PREPL: variants seen among roughly 807,000 people sequenced by gnomAD.
PREPL encodes prolyl endopeptidase-like.
PREPL carries 77 observed loss-of-function variants against 70.6 expected under a neutral mutation model. The ratio of observed to expected loss-of-function variants is 1.09; its 90% CI spans 0.91 to 1.32. The LOEUF is 1.32. PREPL is among the 40% of genes most tolerant of loss of function. The pLI is 0.00. For synonymous variants in PREPL, 315 were observed against 264.8 expected (o/e 1.19, Z -1.84); for missense variants, 1,002 against 778.2 (o/e 1.29, Z -3.42).
At chr2:44,351,215 G>A (rs900521046) in intron 1 of PREPL, among the ~76,000 whole-genome samples, 11 of 151,776 alleles carry the variant, frequency 7.2e-5, no homozygotes, top group Admixed American at 2.6e-4. Flanking sequence ...GATTACAGGC[G>A]TGAGCCACTG....
At chr2:44,331,665 G>C (rs1408626655) in intron 8 of PREPL, among the ~76,000 whole-genome samples, 1 of 152,084 alleles carries the variant, frequency 6.6e-6, no homozygotes, top group East Asian at 1.9e-4. Flanking sequence ...CTCTAGACTA[G>C]GTAAAATCCC....
intron 10 of PREPL, among the ~76,000 whole-genome samples, chr2:44,324,053 A>G (rs935436350): frequency 2.0e-5 from 3 of 152,264 alleles, no homozygotes; most frequent in Non-Finnish European, 2.9e-5. Context: ...CGAATAAGCA[A>G]AATGTGGTAT....
chr2:44,330,041 G>A (rs777033624), intron 8 of PREPL, among the ~76,000 whole-genome samples: 4 of 152,132 alleles, frequency 2.6e-5, no homozygotes, highest in Non-Finnish European at 4.4e-5. Flanking sequence ...CAAATAAGGA[G>A]GAAATTCTCC....
rs369348867 is a variant in PREPL, at chr2:44,321,811, G to A, written c.1827+16C>T. The A allele has an allele frequency of 1.5e-5, 25 of 1,613,588 alleles. No homozygotes were observed. Among genetic ancestry groups the A allele is most frequent in the Non-Finnish European group, 2.0e-5 (24 of 1,179,786 alleles). ...AGTTCGGGAATCTGTCCACTGAGAG[G>A]GCCTTGATAACATACCTTTTTGTGA... On this transcript the variant is annotated intron_variant, in intron 13 of 13. Coordinates refer to ENST00000409411, the MANE Select transcript of PREPL (RefSeq NM_001171613.2).
chr2:44,328,103 T>A (rs1025179726), intron 9 of PREPL, among the ~76,000 whole-genome samples: 1 of 151,560 alleles, frequency 6.6e-6, no homozygotes, highest in African/African-American at 2.4e-5. Flanking sequence ...CTGGCCAACA[T>A]GGTGAAACCC....
chr2:44,324,559 A>G (rs781077184), intron 10 of PREPL, among the ~76,000 whole-genome samples: 15 of 152,342 alleles, frequency 9.8e-5, no homozygotes, highest in Middle Eastern at 3.4e-3. Flanking sequence ...CCATTGGCTT[A>G]TAATTAGTGT....
chr2:44,355,254 A>G (rs1408630849), intron 1 of PREPL, among the ~76,000 whole-genome samples: 2 of 152,214 alleles, frequency 1.3e-5, no homozygotes, highest in African/African-American at 4.8e-5. Flanking sequence ...GTCTCAAATA[A>G]AATGTAATCA....
At chr2:44,332,380 A>T (rs922362196) in intron 8 of PREPL, 79 bp downstream of exon 8, 1 of 1,268,046 alleles carries the variant, frequency 7.9e-7, no homozygotes, top group Admixed American at 1.9e-5. Context: ...TGCTAATGTA[A>T]CTCCAACAAC....
In PREPL at chr2:44,321,440, T is replaced by G. The variant is rs764107553; in HGVS notation, c.1833A>C (p.Thr611=). 6.2e-7 allele frequency: 1 copy of G among 1,612,258 alleles called. No individual in the cohort carries two copies. The change falls in exon 14 of 14, where the codon ACA becomes ACC. Residue 611 remains threonine, a synonymous_variant. Coordinates refer to ENST00000409411, the MANE Select transcript of PREPL (RefSeq NM_001171613.2). The part of the protein sequence containing the change: ...HVIEDSHKKI[T]AQIKFLYEEL... ...CCTCGTACAGGAATTTAATTTGGGC[T>G]GTAATCTAAAAGAAACACATTAAAA... is the stretch of plus-strand genomic sequence containing the variant.
chr2:44,345,234 TG>T (rs1675668348), intron 2 of PREPL, among the ~76,000 whole-genome samples: 1 of 152,248 alleles, frequency 6.6e-6, no homozygotes, highest in Admixed American at 6.5e-5. Flanking sequence ...ATCTGTTAGT[TG>T]GTGGCGTAAT....
chr2:44,351,963 A>C (rs1676487497), intron 1 of PREPL, among the ~76,000 whole-genome samples: 1 of 152,184 alleles, frequency 6.6e-6, no homozygotes. Flanking sequence ...TACATTGCTG[A>C]CCTAATCTAC....
chr2:44,346,475 T>C (rs1221466723), intron 1 of PREPL, 85 bp from the exon 2 acceptor site: 45 of 1,243,762 alleles, frequency 3.6e-5, no homozygotes, highest in South Asian at 7.9e-5. Flanking sequence ...GTCTATACCG[T>C]AGACTTAACG....
Position 44,321,870 on chromosome 2 carries a change from A to G in PREPL, c.1784T>C (p.Ile595Thr), listed in dbSNP as rs753055312. 17 of 1,613,544 alleles carry G rather than the reference A, an allele frequency of 1.1e-5. No individual in the cohort carries two copies. The highest frequency in any genetic ancestry group is 1.4e-5 in the Non-Finnish European group (17 of 1,179,630). Reference sequence around the variant, plus strand: ...AATTACATGATTGCCTCCAGGCTGAATATCTAGAATAATATTAGGGGTCTG... The same window carrying G: ...AATTACATGATTGCCTCCAGGCTGAGTATCTAGAATAATATTAGGGGTCTG... ...GYQTPNIILD[I>T]QPGGNHVIED... is the part of the protein sequence containing the mutation. The change falls in exon 13 of 14, where the codon ATT becomes ACT. Residue 595 changes from isoleucine to threonine, a missense_variant. By Grantham distance (89) the Ile-to-Thr change is moderately conservative. Coordinates refer to ENST00000409411, the MANE Select transcript of PREPL (RefSeq NM_001171613.2).
chr2:44,344,826 G>C (rs548466147), intron 2 of PREPL, among the ~76,000 whole-genome samples: 9 of 152,178 alleles, frequency 5.9e-5, no homozygotes, highest in Admixed American at 5.9e-4. Context: ...AGGCAATAAA[G>C]AAAAGGTATA....
chr2:44,320,480 T>C lies in PREPL; in HGVS notation c.*876A>G, dbSNP rs1165762189. 1 of 1,614,158 alleles carries C rather than the reference T, an allele frequency of 6.2e-7. No individual in the cohort carries two copies. The highest frequency in any genetic ancestry group is 1.1e-5 in the South Asian group (1 of 91,084). On this transcript the variant is annotated 3_prime_UTR_variant, in exon 14 of 14. Transcript: ENST00000409411. The stretch of plus-strand genomic sequence containing the variant: ...ATTCTGCCGACAAAGGCAGTAAAGT[T>C]GATACAAGTGGCATTTTTCTGGACA...
In PREPL at chr2:44,329,094, T is replaced by C. The variant is rs182854421; in HGVS notation, c.1105A>G (p.Met369Val). 9.4e-6 allele frequency: 15 copies of C among 1,601,190 alleles called. No individual in the cohort carries two copies. Among genetic ancestry groups the C allele is most frequent in the Middle Eastern group, 3.3e-4 (2 of 6,018 alleles). Residue 369 changes from methionine to valine, a missense_variant, in exon 9 of 14, where the codon ATG becomes GTG. By Grantham distance (21) the Met-to-Val change is conservative. Transcript: ENST00000409411. ...AKSKDGKLVP[M>V]TVFHKTDSED... ...GAGTCAGTTTTGTGGAAAACAGTCATTGGCACTAATTTTCCATCCTAGAAA... is the reference window on the plus strand; with the variant it reads ...GAGTCAGTTTTGTGGAAAACAGTCACTGGCACTAATTTTCCATCCTAGAAA...
At position 44,320,183 on chromosome 2, in the gene PREPL, T is replaced by G. The variant is rs755354952; in HGVS notation, c.*1173A>C. ...TAGAATCAAACACTTACGTAAATAC[T>G]TTTTTAAAAAAATAGGTCCAAAAGA... On this transcript the variant is annotated 3_prime_UTR_variant, in exon 14 of 14. Coordinates refer to ENST00000409411, the MANE Select transcript of PREPL (RefSeq NM_001171613.2). 10 of 1,601,958 alleles carry G rather than the reference T, an allele frequency of 6.2e-6. No individual in the cohort carries two copies. The African/African-American group carries it at 6.7e-5, about 11-fold the overall frequency.
In PREPL at chr2:44,320,962, T is replaced by C. The variant is rs1672889435; in HGVS notation, c.*394A>G. On this transcript the variant is annotated 3_prime_UTR_variant, in exon 14 of 14. Coordinates refer to ENST00000409411, the MANE Select transcript of PREPL (RefSeq NM_001171613.2). ...TTTTATCTTTTCCCTTAAAATGCAG[T>C]CATAGAAATTAGAGGATGACTCACT... 1 of 405,014 alleles carries C rather than the reference T, an allele frequency of 2.5e-6. No individual in the cohort carries two copies. Among genetic ancestry groups the C allele is most frequent in the Admixed American group, 4.0e-5 (1 of 24,746 alleles). 25.1% of individuals were successfully genotyped at this position (405,014 alleles called of 1,614,324 possible).
chr2:44,332,332 G>T, intron 8 of PREPL, 127 bp downstream of exon 8: 2 of 757,430 alleles, frequency 2.6e-6, no homozygotes, highest in Non-Finnish European at 2.1e-6. Context: ...AGTCACTTGG[G>T]TATTACTGTG....
Sources: allele counts gnomAD v4.1 joint callset (sites outside exome capture counted in the v4.1 genomes callset), GRCh38; gene constraint gnomAD v4.1.1; transcripts MANE v1.5; gene names NCBI Gene and HGNC (gene_info 2026-07-23, HGNC 2026-07-21).